Variants in C1orf21 observed in about 807,000 individuals in gnomAD.
C1orf21 encodes chromosome 1 open reading frame 21.
In C1orf21, 3 loss-of-function variants were observed where a neutral mutation model predicts 18.7. The observed-to-expected ratio is 0.16, with a 90% CI of 0.07 to 0.42. C1orf21 has a LOEUF of 0.42. Among genes scored for constraint, C1orf21 ranks in the 10% least tolerant of loss-of-function variants. The pLI is 0.99. For synonymous variants in C1orf21, 41 were observed against 46.4 expected (o/e 0.88, Z 0.47); for missense variants, 104 against 143.6 (o/e 0.72, Z 1.41).
chr1:184,388,259 G>A (rs1655918136), intron 1 of C1orf21, among the ~76,000 whole-genome samples: 1 of 152,150 alleles, frequency 6.6e-6, no homozygotes, highest in Admixed American at 6.6e-5. Flanking sequence ...CAGGCATGTC[G>A]GTAAAATTTG....
chr1:184,407,438 A>G (rs1273865403), intron 1 of C1orf21, among the ~76,000 whole-genome samples: 1 of 152,248 alleles, frequency 6.6e-6, no homozygotes, highest in Non-Finnish European at 1.5e-5. Context: ...GGTAACATGT[A>G]ATGTGAAAAA....
chr1:184,523,868 C>T (rs1365349903), intron 3 of C1orf21, among the ~76,000 whole-genome samples: 1 of 152,104 alleles, frequency 6.6e-6, no homozygotes, highest in Non-Finnish European at 1.5e-5. Flanking sequence ...TCCAAGCATT[C>T]CATGAGGATA....
intron 1 of C1orf21, among the ~76,000 whole-genome samples, chr1:184,414,855 C>G (rs1466480049): frequency 6.6e-6 from 1 of 152,082 alleles, no homozygotes; most frequent in Admixed American, 6.5e-5. Flanking sequence ...TTCTTTTGGC[C>G]ACCTTTAGGT....
At chr1:184,505,560 C>T (rs1411971144) in intron 2 of C1orf21, among the ~76,000 whole-genome samples, 3 of 151,322 alleles carry the variant, frequency 2.0e-5, no homozygotes, top group South Asian at 2.1e-4. Flanking sequence ...GTCAGGAGTT[C>T]GAGACCACCC....
chr1:184,517,936 T>C (rs144786948), intron 3 of C1orf21, among the ~76,000 whole-genome samples: 43 of 152,282 alleles, frequency 2.8e-4, no homozygotes, highest in African/African-American at 1.0e-3. Flanking sequence ...ATTAAAGGAA[T>C]AGTATCAGGA....
chr1:184,615,749 C>A (rs1169835842), intron 5 of C1orf21, among the ~76,000 whole-genome samples: 1 of 152,144 alleles, frequency 6.6e-6, no homozygotes, highest in African/African-American at 2.4e-5. Flanking sequence ...TGAGATGGGG[C>A]CCCTCCAATG....
chr1:184,500,411 G>A (rs901575446), intron 2 of C1orf21, among the ~76,000 whole-genome samples: 1 of 152,162 alleles, frequency 6.6e-6, no homozygotes, highest in African/African-American at 2.4e-5. Context: ...GTGCTGTCGT[G>A]ACAGAAGCTT....
Position 184,609,448 on chromosome 1 carries a change from G to A in C1orf21, c.328-10070G>A, listed in dbSNP as rs553224569. Among the ~76,000 whole-genome samples, 3 of 152,306 alleles carry A rather than the reference G, an allele frequency of 2.0e-5. No individual in the cohort carries two copies. In the South Asian group the frequency reaches 6.2e-4, roughly 32 times the overall value. ...CTCTTTCAGAGCAAAGAGCTCTAAAGAGTTTGTCTGGAAGGCACATCAAGA... is the reference window on the plus strand; with the variant it reads ...CTCTTTCAGAGCAAAGAGCTCTAAAAAGTTTGTCTGGAAGGCACATCAAGA... On this transcript the variant is annotated intron_variant, in intron 5 of 5. Coordinates refer to ENST00000235307, the MANE Select transcript of C1orf21 (RefSeq NM_030806.4).
chr1:184,527,515 T>C (rs1401192494), intron 3 of C1orf21, among the ~76,000 whole-genome samples: 1 of 152,064 alleles, frequency 6.6e-6, no homozygotes, highest in African/African-American at 2.4e-5. Context: ...GAAGATCAGG[T>C]GAGGAACAGC....
chr1:184,466,751 A>G (rs1373275329), intron 1 of C1orf21, among the ~76,000 whole-genome samples: 1 of 151,750 alleles, frequency 6.6e-6, no homozygotes, highest in Non-Finnish European at 1.5e-5. Context: ...TTTTTTTCAG[A>G]TGGGCAAGAT....
At chr1:184,437,921 A>C (rs925235484) in intron 1 of C1orf21, among the ~76,000 whole-genome samples, 1 of 152,092 alleles carries the variant, frequency 6.6e-6, no homozygotes, top group Non-Finnish European at 1.5e-5. Flanking sequence ...GATCCCTCTC[A>C]TGTGCAGTTC....
intron 3 of C1orf21, among the ~76,000 whole-genome samples, chr1:184,543,419 T>C (rs1658686914): frequency 1.3e-5 from 2 of 152,210 alleles, no homozygotes; most frequent in South Asian, 2.1e-4. Context: ...TATTGTCACT[T>C]ATTCGTCATG....
At chr1:184,468,011 T>TGTGAGAGA (rs4011656) in intron 1 of C1orf21, among the ~76,000 whole-genome samples, 4 of 137,536 alleles carry the variant, frequency 2.9e-5, no homozygotes, top group Non-Finnish European at 6.4e-5. Context: ...TGTGTGTGTG[T>TGTGAGAGA]GAGAGAGAGA....
chr1:184,406,140 A>G (rs999109875), intron 1 of C1orf21, among the ~76,000 whole-genome samples: 1 of 152,178 alleles, frequency 6.6e-6, no homozygotes, highest in Non-Finnish European at 1.5e-5. Context: ...TTGATTTTTC[A>G]CTTTTTTGGG....
chr1:184,477,153 C>T (rs1657583562), intron 1 of C1orf21, among the ~76,000 whole-genome samples: 1 of 152,124 alleles, frequency 6.6e-6, no homozygotes, highest in South Asian at 2.1e-4. Context: ...AAAGTTCACT[C>T]CTTGGCCATG....
chr1:184,497,768 A>G (rs1049217884), intron 2 of C1orf21, among the ~76,000 whole-genome samples: 3 of 152,206 alleles, frequency 2.0e-5, no homozygotes, highest in Non-Finnish European at 4.4e-5. Context: ...TATAACCCAG[A>G]TAAAGTCAGG....
In C1orf21 at chr1:184,523,926, T is replaced by C. The variant is rs60955592; in HGVS notation, c.189+16244T>C. On this transcript the variant is annotated intron_variant, in intron 3 of 5. Transcript: ENST00000235307. ...GAGACAAAAAGGTTTTTTTGATATG[T>C]ACTCCAAATGAGCCTCCCTCCAAAA... Among the ~76,000 whole-genome samples the C allele has an allele frequency of 8.2e-3, 1,255 of 152,286 alleles. 14 individuals carry two copies. Among genetic ancestry groups the C allele is most frequent in the African/African-American group, 0.029 (1,204 of 41,564 alleles).
intron 1 of C1orf21, among the ~76,000 whole-genome samples, chr1:184,408,908 C>T (rs1656289291): frequency 6.6e-6 from 1 of 152,168 alleles, no homozygotes; most frequent in Non-Finnish European, 1.5e-5. Flanking sequence ...ATTTAATTCT[C>T]ACAATGCTTC....
Position 184,594,511 on chromosome 1 carries a change from A to C in C1orf21, c.266+3696A>C, listed in dbSNP as rs545174812. Among the ~76,000 whole-genome samples the C allele has an allele frequency of 7.2e-5, 11 of 152,368 alleles. No individual in the cohort carries two copies. In the South Asian group the frequency reaches 2.3e-3, roughly 32 times the overall value. On this transcript the variant is annotated intron_variant, in intron 4 of 5. Coordinates refer to ENST00000235307, the MANE Select transcript of C1orf21 (RefSeq NM_030806.4). ...GTTGAACAAACAGAAACAGTTATGGAAAAGCAGCTGAAATATGTGGGGAGA... is the reference window on the plus strand; with the variant it reads ...GTTGAACAAACAGAAACAGTTATGGCAAAGCAGCTGAAATATGTGGGGAGA...
Sources: gnomAD v4.1 joint callset for allele counts (sites outside exome capture counted in the v4.1 genomes callset) on GRCh38, gnomAD v4.1.1 for gene constraint, MANE v1.5 for transcripts, NCBI Gene and HGNC (gene_info 2026-07-23, HGNC 2026-07-21) for gene names.